Variants in LRRC37A2 observed in about 807,000 individuals in gnomAD.
LRRC37A2 encodes leucine-rich repeat-containing protein 37A2.
A neutral mutation model predicts 68.8 loss-of-function variants in LRRC37A2; 9 were observed. That is an observed-to-expected ratio of 0.13 (90% CI 0.08 to 0.23). The LOEUF (loss-of-function observed/expected upper bound fraction) is 0.23, where lower values mean the gene tolerates loss of function less well. Among genes scored for constraint, LRRC37A2 ranks in the 10% least tolerant of loss-of-function variants. LRRC37A2 has a pLI of 1.00. For missense variants in LRRC37A2, 168 were observed against 950.4 expected (o/e 0.18, Z 10.82); for synonymous variants, 63 against 367.6 (o/e 0.17, Z 9.48).
At chr17:46,727,470 A>G in the LRRC37A2 span, among the ~76,000 whole-genome samples, 7 of 152,302 alleles carry the variant, frequency 4.6e-5, no homozygotes, top group South Asian at 8.3e-4. Flanking sequence ...TTCTTCTTTA[A>G]GCTGTCCATA....
the LRRC37A2 span, among the ~76,000 whole-genome samples, chr17:47,022,180 TTTTTTC>T: frequency 1.6e-4 from 5 of 30,904 alleles, 1 homozygote; most frequent in South Asian, 6.3e-3. Context: ...TTTTTTTTTT[TTTTTTC>T]CAGAGACAGG....
the LRRC37A2 span, among the ~76,000 whole-genome samples, chr17:46,859,182 G>C: frequency 0.025 from 3,729 of 151,244 alleles, 153 homozygotes; most frequent in African/African-American, 0.086. Flanking sequence ...CACCATGTTG[G>C]GCAGGCTGGT....
chr17:46,502,398 C>A, the LRRC37A2 span, among the ~76,000 whole-genome samples: 1 of 151,126 alleles, frequency 6.6e-6, no homozygotes, highest in Non-Finnish European at 1.5e-5. Flanking sequence ...GCAATCTCTG[C>A]CTCCCAGATT....
the LRRC37A2 span, chr17:46,932,120 A>G: frequency 8.7e-6 from 14 of 1,613,976 alleles, no homozygotes; most frequent in Non-Finnish European, 1.2e-5. Flanking sequence ...GCGCTCAGAA[A>G]CTTCCAGCAT....
At chr17:46,898,237 TC>T in the LRRC37A2 span, among the ~76,000 whole-genome samples, 1 of 152,190 alleles carries the variant, frequency 6.6e-6, no homozygotes, top group Non-Finnish European at 1.5e-5. Context: ...CTTTTCTCTT[TC>T]CACCTCCCAC....
chr17:46,773,697 A>G, the LRRC37A2 span: 1 of 1,354,320 alleles, frequency 7.4e-7, no homozygotes, highest in Non-Finnish European at 9.8e-7. Context: ...AAAGATGGCC[A>G]GGCTGTCATC....
downstream of LRRC37A2, among the ~76,000 whole-genome samples, chr17:46,558,116 A>G (rs1417499586): frequency 6.1e-5 from 8 of 130,264 alleles, no homozygotes; most frequent in Non-Finnish European, 6.4e-5. Flanking sequence ...CTGGAATGCA[A>G]TGGCACGATC....
chr17:46,736,430 A>G, the LRRC37A2 span, among the ~76,000 whole-genome samples: 1 of 152,228 alleles, frequency 6.6e-6, no homozygotes, highest in East Asian at 1.9e-4. Context: ...ACAAGAATGC[A>G]GATCTTTGGA....
chr17:46,890,157 G>T, the LRRC37A2 span, among the ~76,000 whole-genome samples: 5 of 152,174 alleles, frequency 3.3e-5, no homozygotes, highest in African/African-American at 1.2e-4. Context: ...CTCCCTGTCA[G>T]TCCCCCGCTG....
the LRRC37A2 span, among the ~76,000 whole-genome samples, chr17:46,666,045 G>C: frequency 6.8e-6 from 1 of 147,418 alleles, no homozygotes; most frequent in African/African-American, 2.5e-5. Flanking sequence ...CGGCAGAGCA[G>C]GGTGTGTGCT....
the LRRC37A2 span, among the ~76,000 whole-genome samples, chr17:46,575,621 G>A: frequency 9.4e-6 from 1 of 105,862 alleles, no homozygotes; most frequent in African/African-American, 3.8e-5. Context: ...GGTTAAATTT[G>A]CTTAGCCTCC....
At chr17:46,622,564 C>T in the LRRC37A2 span, among the ~76,000 whole-genome samples, 1 of 147,294 alleles carries the variant, frequency 6.8e-6, no homozygotes, top group Non-Finnish European at 1.5e-5. Context: ...GGGCGGATTG[C>T]CTGAGCTCAG....
the LRRC37A2 span, chr17:46,939,715 G>A: frequency 1.4e-3 from 1,352 of 985,608 alleles, 5 homozygotes; most frequent in Non-Finnish European, 1.5e-3. Context: ...AGATCCCACC[G>A]TGGAGACATC....
At chr17:46,551,140 C>T (rs2056766546) in intron 11 of LRRC37A2, among the ~76,000 whole-genome samples, 1 of 149,704 alleles carries the variant, frequency 6.7e-6, no homozygotes, top group Non-Finnish European at 1.5e-5. Flanking sequence ...GATGTGTCAC[C>T]ATTTCTTGGA....
chr17:46,789,779 T>C, the LRRC37A2 span, among the ~76,000 whole-genome samples: 1 of 152,228 alleles, frequency 6.6e-6, no homozygotes, highest in African/African-American at 2.4e-5. Flanking sequence ...CAGCTGGGCC[T>C]GGCCCTGGCC....
the LRRC37A2 span, among the ~76,000 whole-genome samples, chr17:46,487,729 A>G: frequency 2.0e-5 from 2 of 101,422 alleles, no homozygotes; most frequent in African/African-American, 7.2e-5. Context: ...GTTTAAGGTT[A>G]TTAACCCATT....
chr17:46,771,791 T>C, the LRRC37A2 span, among the ~76,000 whole-genome samples: 3 of 137,256 alleles, frequency 2.2e-5, no homozygotes, highest in African/African-American at 8.0e-5. Flanking sequence ...CCGCGCCGAA[T>C]GGCCAGAGGG....
At chr17:46,896,577 C>A in the LRRC37A2 span, among the ~76,000 whole-genome samples, 1 of 152,082 alleles carries the variant, frequency 6.6e-6, no homozygotes, top group South Asian at 2.1e-4. Flanking sequence ...TTGAGATCAG[C>A]CTAGGTGACA....
chr17:46,622,365 G>A, the LRRC37A2 span, among the ~76,000 whole-genome samples: 1 of 150,212 alleles, frequency 6.7e-6, no homozygotes, highest in Non-Finnish European at 1.5e-5. Flanking sequence ...GGCTGAGGCA[G>A]GAGAATGGCG....
Sources: gnomAD v4.1 joint callset for allele counts (sites outside exome capture counted in the v4.1 genomes callset) on GRCh38, gnomAD v4.1.1 for gene constraint, MANE v1.5 for transcripts, NCBI Gene and HGNC (gene_info 2026-07-23, HGNC 2026-07-21) for gene names.